SPTA1: variants seen among roughly 807,000 people sequenced by gnomAD.
The protein encoded by SPTA1 is spectrin alpha, erythrocytic 1, also known as spectrin alpha chain, erythrocytic 1.
SPTA1 carries 177 observed loss-of-function variants against 324.7 expected under a neutral mutation model. The ratio of observed to expected loss-of-function variants is 0.55; its 90% CI spans 0.48 to 0.62. The LOEUF (loss-of-function observed/expected upper bound fraction) is 0.62. SPTA1 is among the 20% of genes least tolerant of loss of function. The probability of loss-of-function intolerance (pLI) is 0.00; values close to 1 mark genes in which losing one functional copy is unlikely to be tolerated. For missense variants in SPTA1, 3,162 were observed against 2,883.6 expected (o/e 1.10, Z -2.21); for synonymous variants, 1,195 against 1,041.3 (o/e 1.15, Z -2.84).
chr1:158,669,291 G>A, intron 14 of SPTA1, 117 bp downstream of exon 14: 1 of 1,374,808 alleles, frequency 7.3e-7, no homozygotes. Context: ...CCTCTGTTTT[G>A]TCATCTATAA....
At chr1:158,611,949 A>G (rs1441713978) in intron 51 of SPTA1, 1 of 156,922 alleles carries the variant, frequency 6.4e-6, no homozygotes, top group African/African-American at 2.4e-5. Context: ...TGTCTGGAAG[A>G]CCACATCATT....
chr1:158,653,376 A>G lies in SPTA1; in HGVS notation c.3086T>C (p.Val1029Ala). The change falls in exon 22 of 52, where the codon GTC becomes GCC. Residue 1029 changes from valine to alanine, a missense_variant. Transcript: ENST00000643759. ...AADHQGIVPAVYVRRLAHDEF... is the reference protein window; with the variant it reads ...AADHQGIVPAAYVRRLAHDEF... ...ATCGTGGGCCAGTCTTCTGACATAGACAGCTGGGACAATGCCCTGATGATC... is the reference window on the plus strand; with the variant it reads ...ATCGTGGGCCAGTCTTCTGACATAGGCAGCTGGGACAATGCCCTGATGATC... 1 of 1,614,058 alleles carries G rather than the reference A, an allele frequency of 6.2e-7. No individual in the cohort carries two copies.
rs772489151 is a variant in SPTA1 at position 158,612,943 on chromosome 1, C to T, written c.7008G>A (p.Leu2336=). The change falls in exon 51 of 52, where the codon CTG becomes CTA. Residue 2336 remains leucine, a synonymous_variant. Transcript: ENST00000643759. ...CAATCAGGAAAGCAGTATAGTCCTC[C>T]AGTGAGACATAGCCCTTCCTGTGGG... ...VDPGRKGYVS[L]EDYTAFLIDK... 7 of 1,613,864 alleles carry T rather than the reference C, an allele frequency of 4.3e-6. No homozygotes were observed. The highest frequency in any genetic ancestry group is 4.2e-6 in the Non-Finnish European group (5 of 1,179,870).
chr1:158,657,968 T>A (rs1652944149), intron 18 of SPTA1, among the ~76,000 whole-genome samples: 1 of 152,136 alleles, frequency 6.6e-6, no homozygotes, highest in Non-Finnish European at 1.5e-5. Flanking sequence ...TGTGGGTGAC[T>A]GAGAGTTCCA....
intron 42 of SPTA1, among the ~76,000 whole-genome samples, chr1:158,623,752 G>A (rs932081905): frequency 6.6e-6 from 1 of 152,294 alleles, no homozygotes; most frequent in African/African-American, 2.4e-5. Flanking sequence ...CCAGTCTTGG[G>A]TATGTCTTTA....
chr1:158,654,816 G>A, intron 20 of SPTA1, 68 bp from the exon 21 acceptor site: 8 of 1,600,150 alleles, frequency 5.0e-6, no homozygotes, highest in Non-Finnish European at 6.8e-6. Flanking sequence ...CTTACCAGGG[G>A]TGAGTAGTCC....
At chr1:158,647,494 A>C (rs1040810823) in intron 27 of SPTA1, 45 bp downstream of exon 27, 2 of 1,610,122 alleles carry the variant, frequency 1.2e-6, no homozygotes, top group South Asian at 1.1e-5. Context: ...GCTCCCAGAC[A>C]GTCTACTTAG....
intron 39 of SPTA1, among the ~76,000 whole-genome samples, chr1:158,628,534 G>A (rs546439230): frequency 3.3e-5 from 5 of 152,248 alleles, no homozygotes; most frequent in Non-Finnish European, 5.9e-5. Flanking sequence ...GTTACTCATT[G>A]TAAAACAAGA....
intron 32 of SPTA1, 72 bp from the exon 33 acceptor site, chr1:158,642,614 A>T (rs527695570): frequency 6.3e-7 from 1 of 1,598,610 alleles, no homozygotes; most frequent in African/African-American, 1.3e-5. Context: ...AATTGTATTT[A>T]AAAGGAAGGG....
chr1:158,679,190 T>C (rs1654616147), intron 5 of SPTA1, among the ~76,000 whole-genome samples: 1 of 152,138 alleles, frequency 6.6e-6, no homozygotes, highest in Admixed American at 6.6e-5. Context: ...TTCATTCCCA[T>C]TCCCAAGTCT....
chr1:158,665,955 G>A (rs1240447468), intron 16 of SPTA1, among the ~76,000 whole-genome samples: 2 of 152,066 alleles, frequency 1.3e-5, no homozygotes, highest in Non-Finnish European at 2.9e-5. Context: ...TGAGAGAAGA[G>A]TTTATGTTTA....
chr1:158,671,521 T>C, intron 11 of SPTA1, 68 bp from the exon 12 acceptor site: 1 of 1,290,324 alleles, frequency 7.7e-7, no homozygotes, highest in Non-Finnish European at 1.1e-6. Flanking sequence ...TTGGCATATC[T>C]CTGAGACAAG....
At chr1:158,655,099 C>G (rs1652737101) in intron 20 of SPTA1, among the ~76,000 whole-genome samples, 2 of 152,080 alleles carry the variant, frequency 1.3e-5, no homozygotes, top group South Asian at 4.2e-4. Flanking sequence ...ATCAACATTT[C>G]AAAAAATTGT....
At chr1:158,658,746 A>C (rs1163550723) in intron 18 of SPTA1, among the ~76,000 whole-genome samples, 1 of 152,112 alleles carries the variant, frequency 6.6e-6, no homozygotes, top group African/African-American at 2.4e-5. Context: ...AAACAGGTAG[A>C]GGGGGAAAAA....
rs750863150 is a variant in SPTA1, at chr1:158,685,193, C to T, written c.179G>A (p.Arg60Gln). 1.2e-5 allele frequency: 19 copies of T among 1,613,560 alleles called. No individual in the cohort carries two copies. The highest frequency in any genetic ancestry group is 1.6e-4 in the Middle Eastern group (1 of 6,082). Reference sequence around the variant, plus strand: ...CCACTTCCCCAGATCATCTGCATCTCGCTTGAAAACTTGTAAGTGATAGGA... The same window carrying T: ...CCACTTCCCCAGATCATCTGCATCTTGCTTGAAAACTTGTAAGTGATAGGA... ...EDSYHLQVFK[R>Q]DADDLGKWIM... is the part of the protein sequence containing the mutation. The change falls in exon 2 of 52, where the codon CGA (arginine) becomes CAA (glutamine). Residue 60 changes from arginine (R) to glutamine (Q), a missense_variant. Arg to Gln is a conservative substitution (Grantham distance 43). Coordinates refer to ENST00000643759, the MANE Select transcript of SPTA1 (RefSeq NM_003126.4).
intron 14 of SPTA1, among the ~76,000 whole-genome samples, chr1:158,669,163 C>G (rs1653819030): frequency 1.3e-5 from 2 of 152,074 alleles, no homozygotes; most frequent in African/African-American, 4.8e-5. Context: ...CTAAGAATCA[C>G]CAGAAATTGT....
rs1651416625 is a variant in SPTA1 at position 158,639,965 on chromosome 1, C to G, written c.4780G>C (p.Glu1594Gln). ...TTCTTCCCTTTGTCATTTGTTCTCT[C>G]AAGCAGATGATCCCAATGTTCCTTC... ...QLKEHWDHLL[E>Q]RTNDKGKKLN... is the part of the protein sequence containing the mutation. Residue 1594 changes from glutamate (E) to glutamine (Q), a missense_variant, in exon 34 of 52, where the codon GAG becomes CAG. Transcript: ENST00000643759. The G allele has an allele frequency of 6.2e-7, 1 of 1,613,880 alleles. No individual in the cohort carries two copies. Among genetic ancestry groups the G allele is most frequent in the Middle Eastern group, 1.7e-4 (1 of 6,052 alleles).
chr1:158,643,470 C>A, intron 30 of SPTA1, 45 bp from the exon 31 acceptor site: 1 of 1,576,344 alleles, frequency 6.3e-7, no homozygotes, highest in Admixed American at 1.7e-5. Flanking sequence ...GGAGATTAGG[C>A]TCTTGGTGCA....
chr1:158,648,634 C>T lies in SPTA1; in HGVS notation c.3589G>A (p.Glu1197Lys), dbSNP rs200985856. Residue 1197 changes from glutamate to lysine, a missense_variant, in exon 26 of 52, where the codon GAG (glutamate) becomes AAG (lysine). Physicochemically the swap from Glu to Lys is moderately conservative, Grantham distance 56. Transcript: ENST00000643759. Reference sequence around the variant, plus strand: ...GCCTGGCATTTCTTCTCAATCTGCTCCTTCGTGTCATCTGCTTCTCTGGTA... The same window carrying T: ...GCCTGGCATTTCTTCTCAATCTGCTTCTTCGTGTCATCTGCTTCTCTGGTA... ...VFHREADDTK[E>K]QIEKKCQALS... 4.3e-6 allele frequency: 7 copies of T among 1,613,658 alleles called. No individual in the cohort carries two copies. The highest frequency in any genetic ancestry group is 2.7e-5 in the African/African-American group (2 of 74,836).
Sources: gnomAD v4.1 joint callset for allele counts (sites outside exome capture counted in the v4.1 genomes callset) on GRCh38, gnomAD v4.1.1 for gene constraint, MANE v1.5 for transcripts, NCBI Gene and HGNC (gene_info 2026-07-23, HGNC 2026-07-21) for gene names.